The following MINAR1 variants were observed in gnomAD, a reference collection of about 807,000 sequenced individuals.
The protein encoded by MINAR1 is membrane integral NOTCH2 associated receptor 1, also known as major intrinsically disordered Notch2-binding receptor 1.
Under a neutral mutation model 65.1 loss-of-function variants are expected in MINAR1, and 40 were observed. The ratio of observed to expected loss-of-function variants is 0.61; its 90% CI spans 0.48 to 0.80. MINAR1 has a LOEUF of 0.80. Among genes scored for constraint, MINAR1 ranks in the 30% least tolerant of loss-of-function variants. The probability of loss-of-function intolerance (pLI) is 0.00; values close to 1 mark genes in which losing one functional copy is unlikely to be tolerated. For synonymous variants in MINAR1, 482 were observed against 449.1 expected (o/e 1.07, Z -0.93); for missense variants, 1,128 against 1,148.0 (o/e 0.98, Z 0.25).
At chr15:79,444,623 A>G (rs2141282644) in intron 1 of MINAR1, among the ~76,000 whole-genome samples, 1 of 152,110 alleles carries the variant, frequency 6.6e-6, no homozygotes. Context: ...GATATGTAGT[A>G]TTTTCATTAC....
intron 1 of MINAR1, among the ~76,000 whole-genome samples, chr15:79,437,694 A>T (rs554613492): frequency 9.8e-4 from 19 of 19,312 alleles, no homozygotes; most frequent in Admixed American, 3.2e-3. Context: ...GTGGGTAGTG[A>T]GTGTGTGGGG....
intron 1 of MINAR1, among the ~76,000 whole-genome samples, chr15:79,446,053 T>C (rs1895010305): frequency 6.6e-6 from 1 of 152,254 alleles, no homozygotes; most frequent in South Asian, 2.1e-4. Flanking sequence ...TCTCTTATTT[T>C]CTACCTTCTC....
upstream of MINAR1, among the ~76,000 whole-genome samples, chr15:79,428,272 C>CTTTCCTTCCTTTCTTA (rs1215681601): frequency 8.9e-6 from 1 of 112,916 alleles, no homozygotes; most frequent in Non-Finnish European, 1.8e-5. Context: ...TTCCTTTCTT[C>CTTTCCTTCCTTTCTTA]TCCCTCTCTC....
intron 1 of MINAR1, among the ~76,000 whole-genome samples, chr15:79,443,652 C>A (rs1311874515): frequency 6.6e-6 from 1 of 151,980 alleles, no homozygotes; most frequent in Non-Finnish European, 1.5e-5. Context: ...TGAGGTTTAT[C>A]TTCAAATTTA....
the MINAR1 span, chr15:79,415,772 A>C: frequency 2.0e-5 from 3 of 152,250 alleles, no homozygotes; most frequent in African/African-American, 7.2e-5. Flanking sequence ...CAGCACTCCC[A>C]GAAAAGGTCA....
chr15:79,467,963 C>T (rs1293051885), intron 3 of MINAR1, among the ~76,000 whole-genome samples: 1 of 152,094 alleles, frequency 6.6e-6, no homozygotes, highest in Non-Finnish European at 1.5e-5. Context: ...TCAAAACCAA[C>T]ATGATATTTT....
chr15:79,435,351 G>T (rs1894567949), intron 1 of MINAR1, among the ~76,000 whole-genome samples: 1 of 152,174 alleles, frequency 6.6e-6, no homozygotes, highest in South Asian at 2.1e-4. Context: ...TCTCAGTGTG[G>T]TGTCTGAAGA....
chr15:79,427,039 A>T, the MINAR1 span: 12 of 152,334 alleles, frequency 7.9e-5, no homozygotes, highest in South Asian at 2.3e-3. Flanking sequence ...TCAATAGTAG[A>T]CTGGATAAAA....
intron 3 of MINAR1, 76 bp downstream of exon 3, chr15:79,463,397 G>A (rs1180501922): frequency 2.6e-6 from 4 of 1,553,810 alleles, no homozygotes; most frequent in Non-Finnish European, 3.5e-6. Flanking sequence ...ATCACGGACG[G>A]CTTAGACCGG....
intron 1 of MINAR1, among the ~76,000 whole-genome samples, chr15:79,439,246 T>G: frequency 2.3e-4 from 1 of 4,398 alleles, no homozygotes; most frequent in Non-Finnish European, 4.3e-4. Context: ...TTGTGGGGTG[T>G]GGGTGGGGTG....
chr15:79,421,252 C>T, the MINAR1 span: 1 of 152,100 alleles, frequency 6.6e-6, no homozygotes, highest in African/African-American at 2.4e-5. Context: ...AATACTTACC[C>T]TGATTTGTGA....
the MINAR1 span, chr15:79,411,674 A>G: frequency 5.3e-6 from 3 of 568,754 alleles, no homozygotes; most frequent in Middle Eastern, 4.7e-4. Flanking sequence ...ACCTGCTCTC[A>G]CCACAGGCCT....
chr15:79,451,820 A>G (rs557342531), intron 1 of MINAR1, among the ~76,000 whole-genome samples: 176 of 152,130 alleles, frequency 1.2e-3, no homozygotes, highest in Non-Finnish European at 2.1e-3. Context: ...TTGGCAGGCA[A>G]TGTGCGGCAT....
intron 3 of MINAR1, 49 bp downstream of exon 3, chr15:79,463,370 C>T (rs1171089806): frequency 6.3e-7 from 1 of 1,596,154 alleles, no homozygotes; most frequent in Non-Finnish European, 8.6e-7. Flanking sequence ...TGTGCCCTGG[C>T]AAATGCCCTG....
In MINAR1 at chr15:79,463,182, A is replaced by G; in HGVS notation, c.2414A>G (p.His805Arg). The stretch of plus-strand genomic sequence containing the variant: ...CCCTACCCTGCCTCCCTCAAGGCCC[A>G]CATGAAGAGCAACCCCCTGTACACA... ...PHPYPASLKA[H>R]MKSNPLYTDM... The change falls in exon 3 of 4, where the codon CAC becomes CGC. Residue 805 changes from histidine (H) to arginine (R), a missense_variant. Physicochemically the swap from His to Arg is conservative, Grantham distance 29. Coordinates refer to ENST00000305428, the MANE Select transcript of MINAR1 (RefSeq NM_015206.3). The G allele has an allele frequency of 6.2e-7, 1 of 1,614,240 alleles. No individual in the cohort carries two copies. Among genetic ancestry groups the G allele is most frequent in the South Asian group, 1.1e-5 (1 of 91,088 alleles).
chr15:79,429,895 G>A (rs1325600146), upstream of MINAR1, among the ~76,000 whole-genome samples: 1 of 152,222 alleles, frequency 6.6e-6, no homozygotes, highest in Non-Finnish European at 1.5e-5. Flanking sequence ...CCAGAGAGGG[G>A]GGCATAGGAG....
In MINAR1 at chr15:79,470,018, A is replaced by G. The variant is rs1402704381; in HGVS notation, c.*1634A>G. The G allele has an allele frequency of 6.6e-6, 1 of 152,596 alleles. No homozygotes were observed. The highest frequency in any genetic ancestry group is 1.5e-5 in the Non-Finnish European group (1 of 68,032). 9.5% of individuals were successfully genotyped at this position (152,596 alleles called of 1,614,324 possible). Reference sequence around the variant, plus strand: ...GTAGACAGTTAATTTTATTATGTTAACAAGTGAGGGATGAATGTTTTCATC... The same window carrying G: ...GTAGACAGTTAATTTTATTATGTTAGCAAGTGAGGGATGAATGTTTTCATC... On this transcript the variant is annotated 3_prime_UTR_variant, in exon 4 of 4. Coordinates refer to ENST00000305428, the MANE Select transcript of MINAR1 (RefSeq NM_015206.3).
chr15:79,415,242 G>C, the MINAR1 span: 1 of 152,272 alleles, frequency 6.6e-6, no homozygotes, highest in African/African-American at 2.4e-5. Flanking sequence ...ATAGGGACAG[G>C]CACACCCAGA....
intron 1 of MINAR1, among the ~76,000 whole-genome samples, chr15:79,446,703 A>G (rs1428380873): frequency 2.0e-5 from 3 of 152,102 alleles, no homozygotes; most frequent in Non-Finnish European, 2.9e-5. Context: ...TAGTATTTAT[A>G]TCACTCCTTG....
Sources: allele counts gnomAD v4.1 joint callset (sites outside exome capture counted in the v4.1 genomes callset), GRCh38; gene constraint gnomAD v4.1.1; transcripts MANE v1.5; gene names NCBI Gene and HGNC (gene_info 2026-07-23, HGNC 2026-07-21).